CTIF: variants seen among roughly 807,000 people sequenced by gnomAD.
CTIF encodes CBP80/20-dependent translation initiation factor.
In CTIF, 21 loss-of-function variants were observed where a neutral mutation model predicts 66.0. The ratio of observed to expected loss-of-function variants is 0.32; its 90% CI spans 0.23 to 0.46. CTIF has a LOEUF of 0.46. CTIF is among the 20% of genes least tolerant of loss of function. The pLI, the probability that CTIF is intolerant of heterozygous loss-of-function variation, is 1.00. For synonymous variants in CTIF, 345 were observed against 326.4 expected, an observed-to-expected ratio of 1.06 and a Z score of -0.62; for missense variants, 739 against 812.7, an observed-to-expected ratio of 0.91 and a Z score of 1.10.
chr18:48,749,365 T>C (rs1029299248), intron 7 of CTIF, among the ~76,000 whole-genome samples: 3 of 152,134 alleles, frequency 2.0e-5, no homozygotes, highest in African/African-American at 7.2e-5. Context: ...TCCCTCGGGA[T>C]GATGGTAGTG....
intron 10 of CTIF, among the ~76,000 whole-genome samples, chr18:48,821,917 G>A (rs1386320104): frequency 6.6e-6 from 1 of 152,158 alleles, no homozygotes; most frequent in African/African-American, 2.4e-5. Flanking sequence ...ATAATGTTGT[G>A]CAGATCTCCA....
At chr18:48,651,489 C>G (rs955958777) in intron 3 of CTIF, among the ~76,000 whole-genome samples, 4 of 148,366 alleles carry the variant, frequency 2.7e-5, no homozygotes, top group Non-Finnish European at 6.1e-5. Context: ...CAGTAGACTC[C>G]CACTTAGACT....
intron 7 of CTIF, among the ~76,000 whole-genome samples, chr18:48,753,965 G>A (rs1908089341): frequency 6.6e-6 from 1 of 152,194 alleles, no homozygotes; most frequent in African/African-American, 2.4e-5. Context: ...AGCAAATACA[G>A]AAGAGAGAGG....
rs186126176 is a variant in CTIF at position 48,750,758 on chromosome 18, C to T, written c.585-7161C>T. On this transcript the variant is annotated intron_variant, in intron 7 of 11. Coordinates refer to ENST00000256413, the MANE Select transcript of CTIF (RefSeq NM_014772.3). Reference sequence around the variant, plus strand: ...CCCAGCGGGCCCTGGCTCAGCCCTCCGCCTTTGCTTCTGCACCACACGCTG... The same window carrying T: ...CCCAGCGGGCCCTGGCTCAGCCCTCTGCCTTTGCTTCTGCACCACACGCTG... 5.3e-5 allele frequency among the ~76,000 whole-genome samples: 8 copies of T among 152,354 alleles called. 1 individual carries two copies. The highest frequency in any genetic ancestry group is 2.0e-4 in the Admixed American group (3 of 15,308).
intron 7 of CTIF, among the ~76,000 whole-genome samples, chr18:48,745,279 A>G (rs2092587037): frequency 6.6e-6 from 1 of 152,232 alleles, no homozygotes; most frequent in South Asian, 2.1e-4. Flanking sequence ...TGACCTTCCC[A>G]GTGCACCATG....
At chr18:48,607,812 T>G (rs1468421183) in intron 1 of CTIF, among the ~76,000 whole-genome samples, 1 of 152,242 alleles carries the variant, frequency 6.6e-6, no homozygotes, top group East Asian at 1.9e-4. Flanking sequence ...GAGTTTCTGC[T>G]GAGTGACACC....
chr18:48,547,856 C>A (rs557936528), intron 1 of CTIF, among the ~76,000 whole-genome samples: 4 of 152,194 alleles, frequency 2.6e-5, no homozygotes, highest in African/African-American at 9.6e-5. Flanking sequence ...TTCTGAGAAG[C>A]TTTGGCTCGG....
chr18:48,689,728 G>A (rs1171588820), intron 6 of CTIF, among the ~76,000 whole-genome samples: 2 of 152,180 alleles, frequency 1.3e-5, no homozygotes, highest in Non-Finnish European at 1.5e-5. Flanking sequence ...AGAGGTCACT[G>A]TACACAGGAG....
Position 48,730,478 on chromosome 18 carries a change from C to T in CTIF, c.584+18783C>T, listed in dbSNP as rs113030734. On this transcript the variant is annotated intron_variant, in intron 7 of 11. Coordinates refer to ENST00000256413, the MANE Select transcript of CTIF (RefSeq NM_014772.3). Reference sequence around the variant, plus strand: ...GGGCTTCCGCGGTGTGAGGGGCTTCCGCGGTGTGAGGGGCTTCTGCGGTGT... The same window carrying T: ...GGGCTTCCGCGGTGTGAGGGGCTTCTGCGGTGTGAGGGGCTTCTGCGGTGT... Among the ~76,000 whole-genome samples, 102 of 82,142 alleles carry T rather than the reference C, an allele frequency of 1.2e-3. 4 individuals are homozygous for T. Among genetic ancestry groups the T allele is most frequent in the African/African-American group, 1.5e-3 (31 of 21,268 alleles). The allele number at this position is 82,142 out of a possible 152,430, so 53.9% of individuals were successfully genotyped here.
chr18:48,606,845 C>T (rs2090210768), intron 1 of CTIF, among the ~76,000 whole-genome samples: 1 of 152,056 alleles, frequency 6.6e-6, no homozygotes, highest in Non-Finnish European at 1.5e-5. Context: ...CTAATTTGTA[C>T]AAGGGGGACA....
Position 48,861,460 on chromosome 18 carries a change from G to A in CTIF, c.*1901G>A, listed in dbSNP as rs1280437679. Reference sequence around the variant, plus strand: ...AGATGCCCCGCGGGTAGGAGGCCTCGAGGGAGGAGCCGGGCTGATGCGGGG... The same window carrying A: ...AGATGCCCCGCGGGTAGGAGGCCTCAAGGGAGGAGCCGGGCTGATGCGGGG... On this transcript the variant is annotated 3_prime_UTR_variant, in exon 12 of 12. Coordinates refer to ENST00000256413, the MANE Select transcript of CTIF (RefSeq NM_014772.3). The A allele has an allele frequency of 1.4e-5, 2 of 143,590 alleles. No individual in the cohort carries two copies. Among genetic ancestry groups the A allele is most frequent in the Non-Finnish European group, 3.1e-5 (2 of 64,486 alleles). 8.9% of individuals were successfully genotyped at this position (143,590 alleles called of 1,614,324 possible).
chr18:48,588,396 G>A (rs1398920147), intron 1 of CTIF, among the ~76,000 whole-genome samples: 1 of 152,190 alleles, frequency 6.6e-6, no homozygotes, highest in Non-Finnish European at 1.5e-5. Flanking sequence ...GCACCTGTGT[G>A]CTCCACACCA....
At chr18:48,715,798 A>G (rs1225979811) in intron 7 of CTIF, among the ~76,000 whole-genome samples, 1 of 152,222 alleles carries the variant, frequency 6.6e-6, no homozygotes, top group Non-Finnish European at 1.5e-5. Context: ...TACTGGTAGA[A>G]GATCAAAAGA....
At chr18:48,749,067 C>G (rs1048943873) in intron 7 of CTIF, among the ~76,000 whole-genome samples, 4 of 152,252 alleles carry the variant, frequency 2.6e-5, no homozygotes, top group African/African-American at 7.2e-5. Flanking sequence ...TTTTAGGCGA[C>G]TTTCTGTCCA....
At chr18:48,854,084 T>C (rs2069269553) in intron 10 of CTIF, among the ~76,000 whole-genome samples, 2 of 152,142 alleles carry the variant, frequency 1.3e-5, no homozygotes. Flanking sequence ...GAATCCCCAC[T>C]GTTGCCAGGG....
At chr18:48,603,889 C>T (rs1430143213) in intron 1 of CTIF, among the ~76,000 whole-genome samples, 2 of 147,558 alleles carry the variant, frequency 1.4e-5, no homozygotes, top group Admixed American at 1.4e-4. Flanking sequence ...CTCACTGTTG[C>T]CCAGGCTGGA....
chr18:48,757,848 C>T (rs534115606), intron 7 of CTIF, 71 bp from the exon 8 acceptor site: 172 of 1,530,284 alleles, frequency 1.1e-4, no homozygotes, highest in Middle Eastern at 5.6e-4. Flanking sequence ...CCTGTTCTGG[C>T]GGCTGGGCAC....
chr18:48,583,790 G>T (rs545847727), intron 1 of CTIF, among the ~76,000 whole-genome samples: 86 of 152,312 alleles, frequency 5.6e-4, no homozygotes, highest in African/African-American at 2.0e-3. Flanking sequence ...ATGGACAGAA[G>T]GTATGTCATG....
chr18:48,839,532 G>A (rs1370354595), intron 10 of CTIF, among the ~76,000 whole-genome samples: 1 of 152,112 alleles, frequency 6.6e-6, no homozygotes. Flanking sequence ...TACCCTTGGC[G>A]GGAGGTAATA....
Sources: allele counts gnomAD v4.1 joint callset (sites outside exome capture counted in the v4.1 genomes callset), GRCh38; gene constraint gnomAD v4.1.1; transcripts MANE v1.5; gene names NCBI Gene and HGNC (gene_info 2026-07-23, HGNC 2026-07-21).